Variants in CRLF3 observed in about 807,000 individuals in gnomAD.
The protein encoded by CRLF3 is cytokine receptor like factor 3.
In CRLF3, 33 loss-of-function variants were observed where a neutral mutation model predicts 55.0. The observed-to-expected ratio is 0.60, with a 90% confidence interval of 0.46 to 0.80. The LOEUF (loss-of-function observed/expected upper bound fraction) is 0.80. Ranked by LOEUF, CRLF3 falls within the 30% of genes least tolerant of loss-of-function variation. The pLI is 0.00. For synonymous variants in CRLF3, 238 were observed against 196.8 expected, an observed-to-expected ratio of 1.21 and a Z score of -1.75; for missense variants, 494 against 538.4, an observed-to-expected ratio of 0.92 and a Z score of 0.82.
chr17:30,789,194 G>T (rs1472987560), intron 6 of CRLF3, among the ~76,000 whole-genome samples: 1 of 152,174 alleles, frequency 6.6e-6, no homozygotes, highest in African/African-American at 2.4e-5. Flanking sequence ...TAATCACCCT[G>T]CCAAGTGGGG....
chr17:30,793,626 T>G lies in CRLF3; in HGVS notation c.650A>C (p.Lys217Thr), dbSNP rs770925199. ...TAQDYRLQFRKCTSNHFEDVY... is the reference protein window; with the variant it reads ...TAQDYRLQFRTCTSNHFEDVY... ...ATCCTCAAAATGATTTGAAGTACAT[T>G]TACGAAACTGGAGCCTGTAATCTTG... is the stretch of plus-strand genomic sequence containing the variant. The change falls in exon 5 of 8, where the codon AAA becomes ACA. Residue 217 changes from lysine (K) to threonine (T), a missense_variant. Coordinates refer to ENST00000324238, the MANE Select transcript of CRLF3 (RefSeq NM_015986.4). 9.3e-6 allele frequency: 15 copies of G among 1,614,084 alleles called. No individual in the cohort carries two copies. In the South Asian group the frequency reaches 1.5e-4, roughly 17 times the overall value.
At position 30,814,086 on chromosome 17, in the gene CRLF3, G is replaced by A. The variant is rs552012845; in HGVS notation, c.130-9978C>T. Among the ~76,000 whole-genome samples the A allele has an allele frequency of 1.3e-4, 20 of 151,972 alleles. No homozygotes were observed. The South Asian group carries it at 4.2e-3, about 32-fold the overall frequency. ...AGCCTGGCCAACACAGTGAAACCTC[G>A]TCTCTATTAAAAATACTAAAATTAG... On this transcript the variant is annotated intron_variant, in intron 1 of 7. Coordinates refer to ENST00000324238, the MANE Select transcript of CRLF3 (RefSeq NM_015986.4).
chr17:30,788,100 G>A lies in CRLF3; in HGVS notation c.960-2069C>T, dbSNP rs370963976. 2.7e-4 allele frequency among the ~76,000 whole-genome samples: 41 copies of A among 152,076 alleles called. 1 individual carries two copies. In the South Asian group the frequency reaches 8.5e-3, roughly 32 times the overall value. The stretch of plus-strand genomic sequence containing the variant: ...TCCCAGCACTTTGGGAGGCCGAGGT[G>A]GGCGGATCACAAAGTCAGGAGATTG... On this transcript the variant is annotated intron_variant, in intron 6 of 7. Transcript: ENST00000324238.
chr17:30,795,062 A>T (rs1971889729), intron 4 of CRLF3, among the ~76,000 whole-genome samples: 2 of 152,224 alleles, frequency 1.3e-5, no homozygotes, highest in East Asian at 1.9e-4. Flanking sequence ...ACAAGTAAAA[A>T]TACTTATAGC....
intron 1 of CRLF3, among the ~76,000 whole-genome samples, chr17:30,822,818 C>G (rs1382122835): frequency 6.6e-6 from 1 of 152,092 alleles, no homozygotes; most frequent in Non-Finnish European, 1.5e-5. Context: ...TAGAATACAT[C>G]TTAACTGACT....
At chr17:30,784,520 A>C in intron 7 of CRLF3, 77 bp from the exon 8 acceptor site, 1 of 1,237,854 alleles carries the variant, frequency 8.1e-7, no homozygotes, top group African/African-American at 1.5e-5. Flanking sequence ...GATTACTGGT[A>C]ACACAGCTCA....
At chr17:30,808,004 A>T (rs1904470482) in intron 1 of CRLF3, among the ~76,000 whole-genome samples, 1 of 152,176 alleles carries the variant, frequency 6.6e-6, no homozygotes, top group Non-Finnish European at 1.5e-5. Context: ...ATAAACCCAA[A>T]TTGCACTTGA....
At chr17:30,804,426 G>C (rs1340739119) in intron 1 of CRLF3, among the ~76,000 whole-genome samples, 3 of 151,988 alleles carry the variant, frequency 2.0e-5, no homozygotes, top group Non-Finnish European at 2.9e-5. Flanking sequence ...TCCTGTACTT[G>C]AGCTCTCTAG....
intron 6 of CRLF3, among the ~76,000 whole-genome samples, chr17:30,789,996 T>G (rs541487304): frequency 3.9e-5 from 6 of 152,212 alleles, no homozygotes; most frequent in East Asian, 3.9e-4. Context: ...ATTAGTTGTT[T>G]TTTTTTTTCC....
chr17:30,792,605 G>A (rs771844095), intron 5 of CRLF3, 33 bp from the exon 6 acceptor site: 1 of 1,579,956 alleles, frequency 6.3e-7, no homozygotes, highest in African/African-American at 1.3e-5. Flanking sequence ...AAAACTGTTA[G>A]AATCTCTTGA....
intron 2 of CRLF3, among the ~76,000 whole-genome samples, chr17:30,802,199 T>C (rs1439638271): frequency 6.6e-6 from 1 of 151,848 alleles, no homozygotes; most frequent in Non-Finnish European, 1.5e-5. Context: ...CTCGGCTAAC[T>C]GCAACCTCCG....
chr17:30,815,995 A>C (rs1473236501), intron 1 of CRLF3, among the ~76,000 whole-genome samples: 8 of 149,880 alleles, frequency 5.3e-5, no homozygotes, highest in Non-Finnish European at 7.4e-5. Flanking sequence ...AAAAAAGACA[A>C]TTTGTAGGCC....
intron 6 of CRLF3, among the ~76,000 whole-genome samples, chr17:30,787,256 G>A (rs1317220175): frequency 6.6e-6 from 1 of 152,214 alleles, no homozygotes; most frequent in Non-Finnish European, 1.5e-5. Flanking sequence ...ATTGCTGCCA[G>A]CGCCTAAATC....
At chr17:30,789,397 A>G (rs1266804175) in intron 6 of CRLF3, among the ~76,000 whole-genome samples, 1 of 152,238 alleles carries the variant, frequency 6.6e-6, no homozygotes, top group African/African-American at 2.4e-5. Context: ...CCATGTGTCC[A>G]AGGAGGAAGA....
chr17:30,797,980 A>G (rs930208437), intron 2 of CRLF3, among the ~76,000 whole-genome samples: 2 of 109,846 alleles, frequency 1.8e-5, no homozygotes, highest in Non-Finnish European at 3.8e-5. Flanking sequence ...AGGTCTCACT[A>G]TGTTGCCCAG....
intron 1 of CRLF3, among the ~76,000 whole-genome samples, chr17:30,812,679 G>T (rs1904662054): frequency 6.6e-6 from 1 of 152,114 alleles, no homozygotes; most frequent in Non-Finnish European, 1.5e-5. Flanking sequence ...CTCTCCCCTA[G>T]AATCTGGGCT....
At chr17:30,799,595 T>C (rs1971974425) in intron 2 of CRLF3, among the ~76,000 whole-genome samples, 1 of 151,410 alleles carries the variant, frequency 6.6e-6, no homozygotes, top group Non-Finnish European at 1.5e-5. Flanking sequence ...AATGGTGCAA[T>C]CTCAGCTCAC....
intron 6 of CRLF3, among the ~76,000 whole-genome samples, chr17:30,789,367 A>C (rs764851969): frequency 3.3e-5 from 5 of 152,202 alleles, no homozygotes; most frequent in Admixed American, 1.3e-4. Context: ...AAACCTAACT[A>C]TGCAATCTAT....
intron 2 of CRLF3, chr17:30,803,685 G>A: frequency 1.8e-6 from 1 of 546,768 alleles, no homozygotes; most frequent in South Asian, 2.1e-5. Flanking sequence ...ATTTTAAGGG[G>A]AAACCCCTTT....
Sources: gnomAD v4.1 joint callset for allele counts (sites outside exome capture counted in the v4.1 genomes callset) on GRCh38, gnomAD v4.1.1 for gene constraint, MANE v1.5 for transcripts, NCBI Gene and HGNC (gene_info 2026-07-23, HGNC 2026-07-21) for gene names.